The following SFMBT2 variants were observed in gnomAD, a reference collection of about 807,000 sequenced individuals.
SFMBT2 encodes the protein Scm like with four mbt domains 2, also known as scm-like with four MBT domains protein 2.
Under a neutral mutation model 110.1 loss-of-function variants are expected in SFMBT2, and 38 were observed. That is an observed-to-expected ratio of 0.35 (90% CI 0.27 to 0.45). The LOEUF (loss-of-function observed/expected upper bound fraction) is 0.45. SFMBT2 is among the 20% of genes least tolerant of loss of function. SFMBT2 has a pLI of 1.00. For missense variants in SFMBT2, 1,011 were observed against 1,094.9 expected, an observed-to-expected ratio of 0.92 and a Z score of 1.08; for synonymous variants, 425 against 425.4, an observed-to-expected ratio of 1.00 and a Z score of 0.01.
intron 4 of SFMBT2, among the ~76,000 whole-genome samples, chr10:7,339,866 C>T (rs539825857): frequency 2.4e-4 from 36 of 152,322 alleles, no homozygotes; most frequent in African/African-American, 8.2e-4. Flanking sequence ...ATGCCTAGAC[C>T]GGTGGCCAGA....
rs1407502802 is a variant in SFMBT2, at chr10:7,170,578, TAGAGTCGGTGG to T, written c.2544+339_2544+349del. Among the ~76,000 whole-genome samples, 2 of 152,044 alleles carry T rather than the reference TAGAGTCGGTGG, an allele frequency of 1.3e-5. No homozygotes were observed. Among genetic ancestry groups the T allele is most frequent in the Non-Finnish European group, 2.9e-5 (2 of 67,980 alleles). ...GCCTGGTGGTAAAGAGCCCCCACTG[TAGAGTCGGTGG>T]AGATGGCAGGGGGAGCGTGGACTCG... is the stretch of plus-strand genomic sequence containing the variant. On this transcript the variant is annotated intron_variant, in intron 20 of 20. Transcript: ENST00000397167. The surrounding 1 kb of genome is among the most constrained non-coding windows in gnomAD (Gnocchi z 4.6).
chr10:7,283,448 G>C (rs1408738201), intron 6 of SFMBT2, among the ~76,000 whole-genome samples: 3 of 151,574 alleles, frequency 2.0e-5, no homozygotes, highest in Non-Finnish European at 4.4e-5. Flanking sequence ...AATGCTGGAT[G>C]GATAGGTGGA....
At chr10:7,259,044 C>T (rs1245532731) in intron 7 of SFMBT2, among the ~76,000 whole-genome samples, 4 of 152,156 alleles carry the variant, frequency 2.6e-5, no homozygotes, top group Non-Finnish European at 5.9e-5. Flanking sequence ...ACAACCTGAA[C>T]CACACAATTT....
At chr10:7,243,430 G>A (rs1280339090) in intron 9 of SFMBT2, 128 bp downstream of exon 9, 6 of 671,330 alleles carry the variant, frequency 8.9e-6, no homozygotes, top group East Asian at 2.5e-5. Context: ...GATGAAGAAC[G>A]CCCTATTTCT....
At chr10:7,188,027 C>T (rs1368229232) in intron 16 of SFMBT2, among the ~76,000 whole-genome samples, 2 of 152,154 alleles carry the variant, frequency 1.3e-5, no homozygotes, top group African/African-American at 4.8e-5. Flanking sequence ...TACATTGATA[C>T]GGCTCCTGCT....
chr10:7,281,413 G>A (rs112348644), intron 6 of SFMBT2, among the ~76,000 whole-genome samples: 2,647 of 152,070 alleles, frequency 0.017, 69 homozygotes, highest in African/African-American at 0.061. Context: ...TCTCCCCATC[G>A]GTCATGGAAG....
In SFMBT2 at chr10:7,260,230, T is replaced by C. The variant is rs1196239891; in HGVS notation, c.871-11581A>G. Among the ~76,000 whole-genome samples the C allele has an allele frequency of 2.6e-5, 4 of 152,144 alleles. No homozygotes were observed. The East Asian group carries it at 7.7e-4, about 29-fold the overall frequency. ...TGGTCCCCAAGGAAGCCTTTATCTA[T>C]TAAAGGGCCTTCTCACACAAAGACC... On this transcript the variant is annotated intron_variant, in intron 7 of 20. Coordinates refer to ENST00000397167, the MANE Select transcript of SFMBT2 (RefSeq NM_001387889.1).
At chr10:7,319,306 T>C (rs1248341771) in intron 4 of SFMBT2, among the ~76,000 whole-genome samples, 1 of 152,236 alleles carries the variant, frequency 6.6e-6, no homozygotes, top group Non-Finnish European at 1.5e-5. Context: ...TCCCCGGCGT[T>C]CTGCAAAAGC....
At chr10:7,207,584 A>C in intron 11 of SFMBT2, 1 of 981,686 alleles carries the variant, frequency 1.0e-6, no homozygotes, top group South Asian at 4.7e-5. Flanking sequence ...TAACCTGGTG[A>C]GCCCCATTAC....
At chr10:7,270,540 G>GT (rs1348007328) in intron 7 of SFMBT2, among the ~76,000 whole-genome samples, 1 of 152,182 alleles carries the variant, frequency 6.6e-6, no homozygotes, top group African/African-American at 2.4e-5. Context: ...ATTAATGAAA[G>GT]TATCTCACCA....
Position 7,172,566 on chromosome 10 carries a change from G to A in SFMBT2, c.2080C>T (p.Arg694Ter), listed in dbSNP as rs1481807825. Reference sequence around the variant, plus strand: ...TTCTGCACGAAAATGGATTTCCGTCGCTTCCTCCGCCTGGCGGGTTTGGGG... The same window carrying A: ...TTCTGCACGAAAATGGATTTCCGTCACTTCCTCCGCCTGGCGGGTTTGGGG... Reference protein sequence around the residue: ...GHPKPARRRKRRKSIFVQKKR... With the variant: ...GHPKPARRRK The change falls in exon 18 of 21, where the codon CGA (arginine) becomes TGA (stop). Residue 694 changes from arginine (R) to a stop codon, truncating the protein, a stop_gained. Transcript: ENST00000397167. LOFTEE classifies it high-confidence loss of function. The surrounding 1 kb of genome is among the most constrained non-coding windows in gnomAD (Gnocchi z 4.6). 2 of 1,614,084 alleles carry A rather than the reference G, an allele frequency of 1.2e-6. No individual in the cohort carries two copies. Among genetic ancestry groups the A allele is most frequent in the South Asian group, 1.1e-5 (1 of 91,090 alleles).
rs115434189 is a variant in SFMBT2 at position 7,288,331 on chromosome 10, G to A, written c.437-2377C>T. ...TATGGCAACGTCCCAGCCTCACCCC[G>A]CTTATAATAAAGAATAACTCATCTG... is the stretch of plus-strand genomic sequence containing the variant. On this transcript the variant is annotated intron_variant, in intron 4 of 20. Coordinates refer to ENST00000397167, the MANE Select transcript of SFMBT2 (RefSeq NM_001387889.1). Among the ~76,000 whole-genome samples, 691 of 152,200 alleles carry A rather than the reference G, an allele frequency of 4.5e-3. 1 individual carries two copies. Among genetic ancestry groups the A allele is most frequent in the African/African-American group, 0.016 (655 of 41,502 alleles).
At chr10:7,253,999 G>A (rs542460433) in intron 7 of SFMBT2, among the ~76,000 whole-genome samples, 10 of 152,252 alleles carry the variant, frequency 6.6e-5, no homozygotes, top group African/African-American at 1.2e-4. Flanking sequence ...TTTCAGAAAC[G>A]TTTTACTGCA....
At position 7,376,727 on chromosome 10, in the gene SFMBT2, C is replaced by CAAA. The variant is rs35816107; in HGVS notation, c.100+5069_100+5071dup. On this transcript the variant is annotated intron_variant, in intron 2 of 20. Transcript: ENST00000397167. ...AAAAAAAAAAAAAAAGGCCCTCCCA[C>CAAA]AAAAAAAAAAAAAAAAAAAAAAAAA... Among the ~76,000 whole-genome samples, 56 of 44,724 alleles carry CAAA rather than the reference C, an allele frequency of 1.3e-3. 2 individuals carry two copies. Among genetic ancestry groups the CAAA allele is most frequent in the African/African-American group, 2.4e-3 (24 of 9,802 alleles). 29.3% of individuals were successfully genotyped at this position (44,724 alleles called of 152,430 possible). A position where few individuals can be genotyped will look rare whatever the true frequency, so the allele number is the denominator to read the frequency against.
At chr10:7,318,513 A>G (rs1213959964) in intron 4 of SFMBT2, among the ~76,000 whole-genome samples, 3 of 152,236 alleles carry the variant, frequency 2.0e-5, no homozygotes, top group Non-Finnish European at 2.9e-5. Context: ...CCTGGGCTCA[A>G]TCAAGAATCT....
intron 20 of SFMBT2, among the ~76,000 whole-genome samples, chr10:7,166,194 G>T (rs182156063): frequency 9.8e-5 from 15 of 152,302 alleles, no homozygotes; most frequent in African/African-American, 3.4e-4. Flanking sequence ...TACTTTCCCA[G>T]GAAGTTTACT....
At chr10:7,210,754 G>A (rs779937973) in intron 11 of SFMBT2, among the ~76,000 whole-genome samples, 2 of 152,208 alleles carry the variant, frequency 1.3e-5, no homozygotes, top group Non-Finnish European at 2.9e-5. Context: ...TGCCTATCAA[G>A]AAGCCCAGCG....
At chr10:7,291,144 C>A (rs894715345) in intron 4 of SFMBT2, among the ~76,000 whole-genome samples, 10 of 152,204 alleles carry the variant, frequency 6.6e-5, no homozygotes, top group African/African-American at 2.2e-4. Context: ...TCCCACATCA[C>A]AGGAGAACAG....
At chr10:7,261,495 C>T (rs1377354858) in intron 7 of SFMBT2, among the ~76,000 whole-genome samples, 2 of 152,198 alleles carry the variant, frequency 1.3e-5, no homozygotes, top group East Asian at 3.9e-4. Flanking sequence ...TCAGTACAGA[C>T]TCACAGGCGA....
Sources: allele counts gnomAD v4.1 joint callset (sites outside exome capture counted in the v4.1 genomes callset), GRCh38; gene constraint gnomAD v4.1.1; non-coding constraint Gnocchi (gnomAD v3.1); transcripts MANE v1.5; gene names NCBI Gene and HGNC (gene_info 2026-07-23, HGNC 2026-07-21).